Variants in RNMT observed in about 807,000 individuals in gnomAD.
RNMT encodes the protein RNA guanine-7 methyltransferase, also known as mRNA cap guanine-N(7) methyltransferase.
A neutral mutation model predicts 56.0 loss-of-function variants in RNMT; 27 were observed. The ratio of observed to expected loss-of-function variants is 0.48; its 90% CI spans 0.36 to 0.67. RNMT has a LOEUF of 0.67. RNMT is among the 30% of genes least tolerant of loss of function. RNMT has a pLI of 0.00. For synonymous variants in RNMT, 184 were observed against 176.2 expected (o/e 1.04, Z -0.35); for missense variants, 519 against 552.1 (o/e 0.94, Z 0.60).
intron 1 of RNMT, among the ~76,000 whole-genome samples, chr18:13,728,122 A>C (rs1431211261): frequency 6.6e-6 from 1 of 152,050 alleles, no homozygotes; most frequent in Non-Finnish European, 1.5e-5. Context: ...CGGACAGGGG[A>C]TTAACAACCA....
intron 11 of RNMT, among the ~76,000 whole-genome samples, chr18:13,758,086 G>T (rs1026880217): frequency 6.6e-6 from 1 of 152,170 alleles, no homozygotes; most frequent in Non-Finnish European, 1.5e-5. Flanking sequence ...AAAATACTCA[G>T]TAAACCGTGA....
intron 1 of RNMT, among the ~76,000 whole-genome samples, chr18:13,727,276 A>G (rs1373330934): frequency 6.6e-6 from 1 of 152,206 alleles, no homozygotes; most frequent in Non-Finnish European, 1.5e-5. Context: ...ACGCAGAGAC[A>G]TAGCTTGCTT....
chr18:13,735,342 A>G (rs1023706064), intron 4 of RNMT, among the ~76,000 whole-genome samples: 14 of 152,152 alleles, frequency 9.2e-5, no homozygotes, highest in Non-Finnish European at 1.8e-4. Flanking sequence ...TCAAAGATAA[A>G]TTACCTAATC....
At chr18:13,737,346 G>A (rs557846365) in intron 5 of RNMT, among the ~76,000 whole-genome samples, 37 of 151,918 alleles carry the variant, frequency 2.4e-4, no homozygotes, top group African/African-American at 4.8e-4. Flanking sequence ...GTTTGAGACC[G>A]GCCTGGCCAA....
At chr18:13,735,674 T>A (rs2044146756) in intron 4 of RNMT, among the ~76,000 whole-genome samples, 4 of 152,308 alleles carry the variant, frequency 2.6e-5, no homozygotes, top group Admixed American at 2.6e-4. Flanking sequence ...TGTATTTTTT[T>A]ATTGAATAAC....
intron 8 of RNMT, among the ~76,000 whole-genome samples, chr18:13,745,152 A>C (rs2149096199): frequency 6.6e-6 from 1 of 152,362 alleles, no homozygotes; most frequent in African/African-American, 2.4e-5. Flanking sequence ...AAAATGAGGC[A>C]GCATTCCTTT....
chr18:13,728,300 CTT>C (rs1204415985), intron 1 of RNMT, among the ~76,000 whole-genome samples: 10 of 109,628 alleles, frequency 9.1e-5, no homozygotes, highest in Non-Finnish European at 1.4e-4. Flanking sequence ...TCATCAGCAT[CTT>C]TTTTTTTTTT....
At chr18:13,739,357 G>C (rs1052030907) in intron 5 of RNMT, among the ~76,000 whole-genome samples, 1 of 152,172 alleles carries the variant, frequency 6.6e-6, no homozygotes, top group Non-Finnish European at 1.5e-5. Flanking sequence ...AAATGAAACT[G>C]TTTTTCTCCC....
chr18:13,737,291 C>G (rs1462270603), intron 5 of RNMT, among the ~76,000 whole-genome samples, 156 bp downstream of exon 5: 1 of 151,820 alleles, frequency 6.6e-6, no homozygotes, highest in Non-Finnish European at 1.5e-5. Context: ...GCCTGTAATC[C>G]AACATTTTGG....
At chr18:13,759,842 C>G (rs2044597897) in intron 11 of RNMT, 100 bp from the exon 12 acceptor site, 5 of 1,000,198 alleles carry the variant, frequency 5.0e-6, no homozygotes, top group Non-Finnish European at 7.7e-6. Flanking sequence ...TCAGAAGCTG[C>G]TTGAGAGCCT....
At chr18:13,739,974 C>T (rs140581059) in intron 5 of RNMT, among the ~76,000 whole-genome samples, 193 bp from the exon 6 acceptor site, 66 of 152,034 alleles carry the variant, frequency 4.3e-4, no homozygotes, top group African/African-American at 1.4e-3. Context: ...CCTATTGAGA[C>T]GCTTTTAGTT....
rs964553994 is a variant in RNMT at position 13,731,683 on chromosome 18, G to A, written c.166G>A (p.Ala56Thr). 59 of 1,613,896 alleles carry A rather than the reference G, an allele frequency of 3.7e-5. No individual in the cohort carries two copies. Among genetic ancestry groups the A allele is most frequent in the Non-Finnish European group, 4.7e-5 (56 of 1,180,000 alleles). ...KTSVCRQVDI[A>T]RKRKEFEDDL... The stretch of plus-strand genomic sequence containing the variant: ...TTCTGTCTGTAGGCAAGTAGACATA[G>A]CAAGAAAGAGAAAAGAGTTTGAAGA... The change falls in exon 3 of 12, where the codon GCA (alanine) becomes ACA (threonine). Residue 56 changes from alanine (A) to threonine (T), a missense_variant. By Grantham distance (58) the Ala-to-Thr change is moderately conservative. Coordinates refer to ENST00000383314, the MANE Select transcript of RNMT (RefSeq NM_003799.3).
rs1477286151 is a variant in RNMT at position 13,763,625 on chromosome 18, C to G, written c.*3646C>G. The G allele has an allele frequency of 3.2e-5, 5 of 154,590 alleles. No homozygotes were observed. The highest frequency in any genetic ancestry group is 7.2e-5 in the Non-Finnish European group (5 of 69,404). The allele number at this position is 154,590 out of a possible 1,614,324, so 9.6% of individuals were successfully genotyped here. A position where few individuals can be genotyped will look rare whatever the true frequency, so the allele number is the denominator to read the frequency against. On this transcript the variant is annotated 3_prime_UTR_variant, in exon 12 of 12. Transcript: ENST00000383314. Reference sequence around the variant, plus strand: ...GCTAAATTCTTCACCTGTGGTAACTCATTTTGATTGTTATAACATCTCAGC... The same window carrying G: ...GCTAAATTCTTCACCTGTGGTAACTGATTTTGATTGTTATAACATCTCAGC...
intron 11 of RNMT, among the ~76,000 whole-genome samples, chr18:13,756,778 A>AC (rs1200222657): frequency 6.6e-6 from 1 of 152,184 alleles, no homozygotes; most frequent in East Asian, 1.9e-4. Flanking sequence ...TCAGGCAGTT[A>AC]GCTGTGTTCA....
At chr18:13,752,766 T>C (rs188580142) in intron 10 of RNMT, among the ~76,000 whole-genome samples, 176 of 152,358 alleles carry the variant, frequency 1.2e-3, no homozygotes, top group African/African-American at 4.0e-3. Flanking sequence ...AAAAATTACA[T>C]CTTCACCTAT....
chr18:13,755,505 A>T (rs912427890), intron 11 of RNMT, among the ~76,000 whole-genome samples: 3 of 152,164 alleles, frequency 2.0e-5, no homozygotes, highest in African/African-American at 7.2e-5. Flanking sequence ...TAGCTTACCT[A>T]AGTGATCTGT....
chr18:13,745,274 C>G (rs1306079603), intron 8 of RNMT, among the ~76,000 whole-genome samples: 1 of 152,140 alleles, frequency 6.6e-6, no homozygotes, highest in South Asian at 2.1e-4. Flanking sequence ...AAAGCTTAAT[C>G]TGGCTGCGAT....
chr18:13,742,861 CCTAA>C (rs1462234630), intron 8 of RNMT: 1 of 352,300 alleles, frequency 2.8e-6, no homozygotes, highest in Non-Finnish European at 5.0e-6. Flanking sequence ...CTCATAATAG[CCTAA>C]CTTAGTTTTC....
At chr18:13,750,326 T>C (rs149386198) in intron 9 of RNMT, among the ~76,000 whole-genome samples, 1 of 152,364 alleles carries the variant, frequency 6.6e-6, no homozygotes, top group East Asian at 1.9e-4. Context: ...TTTTCATGGC[T>C]ATTAAATTGC....
Sources: gnomAD v4.1 joint callset for allele counts (sites outside exome capture counted in the v4.1 genomes callset) on GRCh38, gnomAD v4.1.1 for gene constraint, MANE v1.5 for transcripts, NCBI Gene and HGNC (gene_info 2026-07-23, HGNC 2026-07-21) for gene names.